The following CENPP variants were observed in gnomAD, a reference collection of about 807,000 sequenced individuals.
The protein encoded by CENPP is centromere protein P.
A neutral mutation model predicts 35.6 loss-of-function variants in CENPP; 24 were observed. The observed-to-expected ratio is 0.67, with a 90% CI of 0.49 to 0.95. The LOEUF (loss-of-function observed/expected upper bound fraction) is 0.95, where lower values mean the gene tolerates loss of function less well. CENPP is among the 40% of genes least tolerant of loss of function. The pLI is 0.00. For synonymous variants in CENPP, 120 were observed against 125.5 expected (o/e 0.96, Z 0.29); for missense variants, 332 against 345.3 (o/e 0.96, Z 0.31).
intron 5 of CENPP, among the ~76,000 whole-genome samples, chr9:92,396,568 A>T (rs1564297714): frequency 6.9e-6 from 1 of 144,200 alleles, no homozygotes; most frequent in African/African-American, 2.6e-5. Flanking sequence ...ACATACCTTT[A>T]TTTTTTTTTT....
chr9:92,572,345 T>C (rs10115409), intron 5 of CENPP, among the ~76,000 whole-genome samples: 57,385 of 152,078 alleles, frequency 0.38, 13,446 homozygotes, highest in African/African-American at 0.66. Context: ...CCTTCACTTA[T>C]GAAGTTTAGT....
chr9:92,567,979 C>T (rs1408511350), intron 5 of CENPP, among the ~76,000 whole-genome samples: 2 of 152,058 alleles, frequency 1.3e-5, no homozygotes, highest in Non-Finnish European at 2.9e-5. Flanking sequence ...TGCAAAATGA[C>T]AAAAGTAAAT....
intron 5 of CENPP, among the ~76,000 whole-genome samples, chr9:92,490,533 T>C (rs1846151605): frequency 6.6e-6 from 1 of 152,234 alleles, no homozygotes; most frequent in African/African-American, 2.4e-5. Flanking sequence ...CTATCCTTTT[T>C]CTAAATAAGG....
chr9:92,432,422 T>C (rs1277696627), intron 5 of CENPP, among the ~76,000 whole-genome samples: 3 of 152,240 alleles, frequency 2.0e-5, no homozygotes, highest in Admixed American at 6.5e-5. Context: ...TGTAAATCTT[T>C]AGTATCTAGA....
chr9:92,386,062 G>C (rs1484001945), intron 5 of CENPP: 1 of 676,592 alleles, frequency 1.5e-6, no homozygotes, highest in East Asian at 2.7e-5. Flanking sequence ...TAATCTTTTT[G>C]ATAGGCAGAC....
At chr9:92,473,879 A>G (rs1035840478) in intron 5 of CENPP, among the ~76,000 whole-genome samples, 2 of 152,388 alleles carry the variant, frequency 1.3e-5, no homozygotes, top group South Asian at 4.1e-4. Context: ...ACATCTGCTC[A>G]TACAGACTCA....
At position 92,619,316 on chromosome 9, in the gene CENPP, T is replaced by C. The variant is rs1851547516; in HGVS notation, c.*6167T>C. On this transcript the variant is annotated 3_prime_UTR_variant, in exon 8 of 8. Transcript: ENST00000375587. ...GTCTTTTGACTGAATTACAAGCTTCTAGAGGGCGAGAGTTAGTAAGCCCCA... is the reference window on the plus strand; with the variant it reads ...GTCTTTTGACTGAATTACAAGCTTCCAGAGGGCGAGAGTTAGTAAGCCCCA... 1 of 596,696 alleles carries C rather than the reference T, an allele frequency of 1.7e-6. No homozygotes were observed. The highest frequency in any genetic ancestry group is 1.8e-5 in the African/African-American group (1 of 54,372). 37.0% of individuals were successfully genotyped at this position (596,696 alleles called of 1,614,324 possible).
intron 5 of CENPP, among the ~76,000 whole-genome samples, chr9:92,576,631 A>G (rs926676042): frequency 2.6e-5 from 4 of 152,340 alleles, no homozygotes; most frequent in South Asian, 2.1e-4. Flanking sequence ...TAGGCATACA[A>G]TGCATTAAGA....
chr9:92,578,744 G>A (rs1253655730), intron 5 of CENPP, among the ~76,000 whole-genome samples: 2 of 151,780 alleles, frequency 1.3e-5, no homozygotes, highest in Admixed American at 6.6e-5. Context: ...CTCCCATTCT[G>A]TAGGTTGCCT....
intron 5 of CENPP, among the ~76,000 whole-genome samples, chr9:92,398,049 G>A (rs975187953): frequency 4.2e-5 from 6 of 141,580 alleles, no homozygotes; most frequent in African/African-American, 1.5e-4. Context: ...CATTATTTAC[G>A]TATATTTACT....
intron 5 of CENPP, among the ~76,000 whole-genome samples, chr9:92,610,202 C>T (rs1287359675): frequency 1.3e-5 from 2 of 152,164 alleles, no homozygotes; most frequent in African/African-American, 4.8e-5. Flanking sequence ...ACTACTGGCA[C>T]GTGCCGCCAG....
chr9:92,541,134 C>T (rs170727), intron 5 of CENPP, among the ~76,000 whole-genome samples: 2 of 151,894 alleles, frequency 1.3e-5, no homozygotes, highest in Non-Finnish European at 2.9e-5. Flanking sequence ...TGGCGGGTGC[C>T]TATAGTCCCA....
chr9:92,523,484 G>A (rs1188815502), intron 5 of CENPP, among the ~76,000 whole-genome samples: 2 of 152,158 alleles, frequency 1.3e-5, no homozygotes, highest in African/African-American at 4.8e-5. Context: ...CAGGTTAAGA[G>A]TTCATAAAGA....
chr9:92,532,729 T>C (rs1012400828), intron 5 of CENPP, among the ~76,000 whole-genome samples: 3 of 152,194 alleles, frequency 2.0e-5, no homozygotes, highest in African/African-American at 7.2e-5. Context: ...AATCTCATCT[T>C]TTATTTTTTT....
chr9:92,571,297 T>C (rs2131354707), intron 5 of CENPP, among the ~76,000 whole-genome samples: 1 of 152,336 alleles, frequency 6.6e-6, no homozygotes, highest in African/African-American at 2.4e-5. Context: ...TCTCATTGGT[T>C]TCAAAGAACA....
rs553643979 is a variant in CENPP at position 92,562,518 on chromosome 9, T to C, written c.565-48796T>C. ...ACCGCGCCCTGCCCCAGTTTTCTTATCTTCAAAGTGAGACCATTAGAGATT... is the reference window on the plus strand; with the variant it reads ...ACCGCGCCCTGCCCCAGTTTTCTTACCTTCAAAGTGAGACCATTAGAGATT... On this transcript the variant is annotated intron_variant, in intron 5 of 7. Coordinates refer to ENST00000375587, the MANE Select transcript of CENPP (RefSeq NM_001012267.3). Among the ~76,000 whole-genome samples, 3 of 152,178 alleles carry C rather than the reference T, an allele frequency of 2.0e-5. No homozygotes were observed. In the East Asian group the frequency reaches 5.8e-4, roughly 29 times the overall value.
At chr9:92,399,710 C>T (rs1843030525) in intron 5 of CENPP, among the ~76,000 whole-genome samples, 2 of 152,154 alleles carry the variant, frequency 1.3e-5, no homozygotes, top group African/African-American at 4.8e-5. Context: ...CCTAAATGTA[C>T]ACCTCTTCAA....
chr9:92,506,369 G>T (rs964950014), intron 5 of CENPP, among the ~76,000 whole-genome samples: 1 of 151,934 alleles, frequency 6.6e-6, no homozygotes, highest in African/African-American at 2.4e-5. Flanking sequence ...AGCAAGAAAG[G>T]CCTTTATACA....
intron 5 of CENPP, chr9:92,505,752 C>G: frequency 7.2e-7 from 1 of 1,383,384 alleles, no homozygotes; most frequent in Non-Finnish European, 9.8e-7. Context: ...ATTTTTGTAG[C>G]CTTTTGAAAT....
Sources: allele counts gnomAD v4.1 joint callset (sites outside exome capture counted in the v4.1 genomes callset), GRCh38; gene constraint gnomAD v4.1.1; transcripts MANE v1.5; gene names NCBI Gene and HGNC (gene_info 2026-07-23, HGNC 2026-07-21).